The following ASAP1 variants were observed in gnomAD, a reference collection of about 807,000 sequenced individuals.
ASAP1 encodes the protein arf-GAP with SH3 domain, ANK repeat and PH domain-containing protein 1.
A neutral mutation model predicts 145.2 loss-of-function variants in ASAP1; 43 were observed. That is an observed-to-expected ratio of 0.30 (90% CI 0.23 to 0.38). The LOEUF (loss-of-function observed/expected upper bound fraction) is 0.38. Ranked by LOEUF, ASAP1 falls within the 10% of genes least tolerant of loss-of-function variation. ASAP1 has a pLI of 1.00. For synonymous variants in ASAP1, 546 were observed against 515.5 expected (o/e 1.06, Z -0.80); for missense variants, 1,018 against 1,355.3 (o/e 0.75, Z 3.91).
intron 1 of ASAP1, among the ~76,000 whole-genome samples, chr8:130,409,603 G>A (rs141635819): frequency 3.3e-4 from 50 of 152,290 alleles, no homozygotes; most frequent in Non-Finnish European, 4.6e-4. Flanking sequence ...CCTTGCAGAA[G>A]CCCACCCCAA....
intron 13 of ASAP1, 48 bp downstream of exon 13, chr8:130,152,688 G>T: frequency 6.9e-7 from 1 of 1,443,754 alleles, no homozygotes; most frequent in Non-Finnish European, 9.6e-7. Flanking sequence ...ACATAATCGT[G>T]TTTGCTTTCT....
intron 2 of ASAP1, among the ~76,000 whole-genome samples, chr8:130,398,511 A>G (rs1828634835): frequency 6.6e-6 from 1 of 152,176 alleles, no homozygotes; most frequent in Admixed American, 6.5e-5. Flanking sequence ...TAGAAGCAGC[A>G]GTCATGGTAA....
Position 130,116,696 on chromosome 8 carries a change from A to T in ASAP1, c.2046T>A (p.Ala682=), listed in dbSNP as rs941192396. 6.2e-7 allele frequency: 1 copy of T among 1,614,128 alleles called. No homozygotes were observed. Among genetic ancestry groups the T allele is most frequent in the African/African-American group, 1.3e-5 (1 of 75,060 alleles). The part of the protein sequence containing the change: ...TALDIAKRLK[A]TQCEDLLSQA... ...TGCTTACCAGATCTTCACACTGGGT[A>T]GCTTTTAGTCTCTTTGCTATGTCTA... The change falls in exon 22 of 30, where the codon GCT becomes GCA. Residue 682 remains alanine, a synonymous_variant. Transcript: ENST00000518721.
intron 1 of ASAP1, among the ~76,000 whole-genome samples, chr8:130,405,198 G>A (rs1828970332): frequency 6.6e-6 from 1 of 152,166 alleles, no homozygotes; most frequent in Non-Finnish European, 1.5e-5. Context: ...AGCTGTTCTT[G>A]CAGAATTCCC....
At chr8:130,106,599 C>T (rs1001572542) in intron 24 of ASAP1, among the ~76,000 whole-genome samples, 3 of 152,238 alleles carry the variant, frequency 2.0e-5, no homozygotes, top group Non-Finnish European at 2.9e-5. Context: ...TAAATGTCCC[C>T]TCCTTATCCT....
intron 4 of ASAP1, among the ~76,000 whole-genome samples, chr8:130,225,286 T>C (rs1392911937): frequency 6.6e-6 from 1 of 152,230 alleles, no homozygotes; most frequent in East Asian, 1.9e-4. Context: ...GTCATATATA[T>C]CAATCTGTAT....
chr8:130,160,820 A>C, intron 11 of ASAP1: 1 of 1,280,664 alleles, frequency 7.8e-7, no homozygotes, highest in Non-Finnish European at 1.0e-6. Context: ...CAAAAGAAAC[A>C]GAGAAAAAAG....
intron 3 of ASAP1, among the ~76,000 whole-genome samples, chr8:130,305,786 C>T (rs756178753): frequency 9.4e-4 from 143 of 152,250 alleles, no homozygotes; most frequent in Non-Finnish European, 1.8e-3. Flanking sequence ...GTGATCTGAC[C>T]CTTAAGCAAC....
chr8:130,100,737 A>G (rs1448931967), intron 24 of ASAP1, among the ~76,000 whole-genome samples: 1 of 152,222 alleles, frequency 6.6e-6, no homozygotes, highest in Non-Finnish European at 1.5e-5. Flanking sequence ...TTCCGGATAT[A>G]CAAGTCCCTT....
intron 2 of ASAP1, among the ~76,000 whole-genome samples, chr8:130,399,211 A>G (rs1012724416): frequency 6.6e-6 from 1 of 152,250 alleles, no homozygotes; most frequent in Non-Finnish European, 1.5e-5. Context: ...TCACATGGCA[A>G]ACAAACTAGA....
chr8:130,318,279 A>C (rs1823787552), intron 3 of ASAP1, among the ~76,000 whole-genome samples: 1 of 151,968 alleles, frequency 6.6e-6, no homozygotes, highest in Non-Finnish European at 1.5e-5. Context: ...ACAGGGTTTC[A>C]CTATGTTGCC....
intron 11 of ASAP1, among the ~76,000 whole-genome samples, chr8:130,163,596 G>C (rs2097674010): frequency 6.6e-6 from 1 of 152,162 alleles, no homozygotes; most frequent in Non-Finnish European, 1.5e-5. Flanking sequence ...TGTGCTCTTT[G>C]AGAAATGATG....
rs771383744 is a variant in ASAP1, at chr8:130,358,191, C to G, written c.60-48G>C. 6.5e-6 allele frequency: 10 copies of G among 1,537,426 alleles called. No homozygotes were observed. The highest frequency in any genetic ancestry group is 7.9e-6 in the Non-Finnish European group (9 of 1,141,284). ...AGCGGGGGCGGGGGGTGAGTCACGG[C>G]GCAGGCTCCCGGGGCCGCGGGCCGC... On this transcript the variant is annotated intron_variant, in intron 2 of 29. Coordinates refer to ENST00000518721, the MANE Select transcript of ASAP1 (RefSeq NM_018482.4). The surrounding 1 kb of genome is among the most constrained non-coding windows in gnomAD (Gnocchi z 4.1).
intron 27 of ASAP1, among the ~76,000 whole-genome samples, chr8:130,070,193 T>C (rs536402379): frequency 9.1e-4 from 139 of 152,290 alleles, no homozygotes; most frequent in Non-Finnish European, 1.5e-3. Flanking sequence ...CCCGTCACCA[T>C]GCCCGGCTAA....
chr8:130,370,836 A>T (rs1827178897), intron 2 of ASAP1, among the ~76,000 whole-genome samples: 1 of 152,254 alleles, frequency 6.6e-6, no homozygotes, highest in Non-Finnish European at 1.5e-5. Context: ...AAAGGTCCAG[A>T]CTAGGCAAAT....
intron 15 of ASAP1, among the ~76,000 whole-genome samples, chr8:130,133,570 G>A (rs1267025130): frequency 1.3e-5 from 2 of 151,966 alleles, no homozygotes; most frequent in East Asian, 1.9e-4. Context: ...GCAGGAGAAT[G>A]GCGTGAACCC....
chr8:130,291,007 C>T (rs1386266372), intron 3 of ASAP1, among the ~76,000 whole-genome samples: 7 of 152,200 alleles, frequency 4.6e-5, no homozygotes, highest in African/African-American at 1.7e-4. Context: ...GGCTAAGGAA[C>T]AGAAAAGACG....
chr8:130,137,263 A>T (rs768704247), intron 13 of ASAP1, among the ~76,000 whole-genome samples: 2 of 152,266 alleles, frequency 1.3e-5, no homozygotes, highest in Middle Eastern at 3.2e-3. Context: ...TAAGTTTAGT[A>T]AAGTTTTATT....
chr8:130,259,056 T>G (rs1477549048), intron 3 of ASAP1, among the ~76,000 whole-genome samples: 1 of 151,954 alleles, frequency 6.6e-6, no homozygotes, highest in Non-Finnish European at 1.5e-5. Flanking sequence ...AGAAGAGAAC[T>G]CTTTAAAGAA....
Sources: allele counts gnomAD v4.1 joint callset (sites outside exome capture counted in the v4.1 genomes callset), GRCh38; gene constraint gnomAD v4.1.1; non-coding constraint Gnocchi (gnomAD v3.1); transcripts MANE v1.5; gene names NCBI Gene and HGNC (gene_info 2026-07-23, HGNC 2026-07-21).